Variants in TMTC3 observed in about 807,000 individuals in gnomAD.
TMTC3 encodes the protein transmembrane O-mannosyltransferase targeting cadherins 3.
Under a neutral mutation model 92.2 loss-of-function variants are expected in TMTC3, and 52 were observed. The ratio of observed to expected loss-of-function variants is 0.56; its 90% CI spans 0.45 to 0.71. TMTC3 has a LOEUF of 0.71. TMTC3 is among the 30% of genes least tolerant of loss of function. The pLI, the probability that TMTC3 is intolerant of heterozygous loss-of-function variation, is 0.00. For synonymous variants in TMTC3, 339 were observed against 363.3 expected, an observed-to-expected ratio of 0.93 and a Z score of 0.76; for missense variants, 896 against 1,057.1, an observed-to-expected ratio of 0.85 and a Z score of 2.11.
intron 8 of TMTC3, among the ~76,000 whole-genome samples, chr12:88,174,056 T>C (rs2041233206): frequency 6.6e-6 from 1 of 152,276 alleles, no homozygotes. Context: ...AGGTGAAGAA[T>C]TGAGCCCTCA....
chr12:88,182,305 C>T lies in TMTC3; in HGVS notation c.1432+5986C>T, dbSNP rs188786957. Among the ~76,000 whole-genome samples the T allele has an allele frequency of 9.8e-5, 15 of 152,288 alleles. No individual in the cohort carries two copies. The East Asian group carries it at 2.9e-3, about 29-fold the overall frequency. On this transcript the variant is annotated intron_variant, in intron 10 of 13. Transcript: ENST00000266712. ...TTGCAGGTCTGTGCAATCTAGTTACCTCTGAGAAACAGCTTGCTCTATTTT... is the reference window on the plus strand; with the variant it reads ...TTGCAGGTCTGTGCAATCTAGTTACTTCTGAGAAACAGCTTGCTCTATTTT...
At chr12:88,148,698 C>G (rs2040905254) in intron 2 of TMTC3, among the ~76,000 whole-genome samples, 194 bp downstream of exon 2, 1 of 150,812 alleles carries the variant, frequency 6.6e-6, no homozygotes, top group Non-Finnish European at 1.5e-5. Flanking sequence ...TAAAGCAGTA[C>G]TTGGTTATTT....
intron 10 of TMTC3, among the ~76,000 whole-genome samples, chr12:88,177,038 A>G (rs941365075): frequency 6.6e-6 from 1 of 152,074 alleles, no homozygotes; most frequent in Non-Finnish European, 1.5e-5. Flanking sequence ...TTTTTAAACC[A>G]GTTTGGGCCA....
In TMTC3 at chr12:88,152,371, C is replaced by G. The variant is rs186007225; in HGVS notation, c.190-920C>G. Among the ~76,000 whole-genome samples, 397 of 152,132 alleles carry G rather than the reference C, an allele frequency of 2.6e-3. 3 individuals are homozygous for G. The highest frequency in any genetic ancestry group is 3.9e-3 in the Admixed American group (59 of 15,282). ...TGAACTCATTACAGTGGGGAAGACA[C>G]CAAACCATTCATAAAGGACCCAACC... On this transcript the variant is annotated intron_variant, in intron 2 of 13. Transcript: ENST00000266712.
At chr12:88,147,955 A>G (rs1002188821) in intron 1 of TMTC3, among the ~76,000 whole-genome samples, 3 of 152,114 alleles carry the variant, frequency 2.0e-5, no homozygotes, top group African/African-American at 4.8e-5. Flanking sequence ...TTTATTTTCA[A>G]TATGCTGCCT....
intron 10 of TMTC3, among the ~76,000 whole-genome samples, chr12:88,177,206 AT>A: frequency 6.6e-6 from 1 of 151,814 alleles, no homozygotes; most frequent in Non-Finnish European, 1.5e-5. Context: ...GGCGCCTGTA[AT>A]TCCAGCTACT....
rs893766298 is a variant in TMTC3, at chr12:88,199,502, G to A, written c.*3853G>A. The A allele has an allele frequency of 5.3e-5, 8 of 152,092 alleles. No individual in the cohort carries two copies. Among genetic ancestry groups the A allele is most frequent in the African/African-American group, 1.9e-4 (8 of 41,428 alleles). 9.4% of individuals were successfully genotyped at this position (152,092 alleles called of 1,614,324 possible). ...GGATTTGATGCATATGACTTAATTTGTATTTGTGCTAGTAGCTGTAATGTC... is the reference window on the plus strand; with the variant it reads ...GGATTTGATGCATATGACTTAATTTATATTTGTGCTAGTAGCTGTAATGTC... On this transcript the variant is annotated 3_prime_UTR_variant, in exon 14 of 14. Transcript: ENST00000266712.
chr12:88,176,373 T>C (rs1592741208), intron 10 of TMTC3, 54 bp downstream of exon 10: 1 of 1,339,688 alleles, frequency 7.5e-7, no homozygotes, highest in Non-Finnish European at 1.0e-6. Flanking sequence ...AAAGTTTTGA[T>C]TATCCTTGGG....
At chr12:88,149,985 G>A (rs963286548) in intron 2 of TMTC3, among the ~76,000 whole-genome samples, 1 of 152,102 alleles carries the variant, frequency 6.6e-6, no homozygotes, top group South Asian at 2.1e-4. Flanking sequence ...TAATCATAAT[G>A]TTGAGGTTTT....
chr12:88,154,173 A>C lies in TMTC3; in HGVS notation c.409-115A>C, dbSNP rs375607591. ...CCTGAGGGCACCCAAAGAATGTTTA[A>C]GAAACAAATGTGCACTTGAAAAGTT... On this transcript the variant is annotated intron_variant, in intron 3 of 13. Coordinates refer to ENST00000266712, the MANE Select transcript of TMTC3 (RefSeq NM_181783.4). 185 of 726,948 alleles carry C rather than the reference A, an allele frequency of 2.5e-4. 1 individual carries two copies. In the East Asian group the frequency reaches 3.5e-3, roughly 14 times the overall value. The allele number at this position is 726,948 out of a possible 1,614,324, so 45.0% of individuals were successfully genotyped here.
At chr12:88,145,854 A>T (rs1017432753) in intron 1 of TMTC3, among the ~76,000 whole-genome samples, 8 of 152,114 alleles carry the variant, frequency 5.3e-5, no homozygotes, top group Non-Finnish European at 2.9e-5. Flanking sequence ...CTTTCACCCT[A>T]ATTTTTTCTT....
intron 4 of TMTC3, 62 bp from the exon 5 acceptor site, chr12:88,160,052 T>C: frequency 1.8e-6 from 2 of 1,127,772 alleles, no homozygotes; most frequent in South Asian, 1.5e-5. Context: ...GTTTAAAATA[T>C]CTTTTTTTGA....
chr12:88,183,459 G>A (rs1405979390), intron 10 of TMTC3, among the ~76,000 whole-genome samples: 1 of 152,180 alleles, frequency 6.6e-6, no homozygotes. Context: ...TAGCTATAGT[G>A]TATCCCTTGT....
intron 6 of TMTC3, among the ~76,000 whole-genome samples, chr12:88,161,203 C>T (rs1433592276): frequency 1.3e-5 from 2 of 152,020 alleles, no homozygotes; most frequent in Non-Finnish European, 1.5e-5. Context: ...TTCGCTATTT[C>T]TCCTTGCACT....
chr12:88,160,698 G>C lies in TMTC3; in HGVS notation c.644G>C (p.Cys215Ser), dbSNP rs752624259. The change falls in exon 6 of 14, where the codon TGT becomes TCT. Residue 215 changes from cysteine to serine, a missense_variant. Physicochemically the swap from Cys to Ser is moderately radical, Grantham distance 112 (BLOSUM62 -1). Transcript: ENST00000266712. ...TTTCAGTATACTTTGCCATTACTAT[G>C]TACTACTGCTGGACAGTTTCTCCGT... ...IAQGYTLPLL[C>S]TTAGQFLRGK... The C allele has an allele frequency of 2.5e-6, 4 of 1,613,138 alleles. No individual in the cohort carries two copies. The South Asian group carries it at 4.4e-5, about 18-fold the overall frequency.
Position 88,159,534 on chromosome 12 carries a change from A to G in TMTC3, c.509-580A>G, listed in dbSNP as rs545108977. Among the ~76,000 whole-genome samples the G allele has an allele frequency of 6.8e-4, 104 of 152,092 alleles. 2 individuals carry two copies. In the South Asian group the frequency reaches 0.02, roughly 29 times the overall value. On this transcript the variant is annotated intron_variant, in intron 4 of 13. Coordinates refer to ENST00000266712, the MANE Select transcript of TMTC3 (RefSeq NM_181783.4). ...AAAAAATAGCCAGATGTGGTGGCAC[A>G]TGCCTGTAGTCCTATTTGGGAGGCT...
intron 11 of TMTC3, among the ~76,000 whole-genome samples, chr12:88,190,114 A>G (rs777727745): frequency 1.3e-5 from 2 of 152,178 alleles, no homozygotes; most frequent in Non-Finnish European, 2.9e-5. Context: ...GAAAACACAC[A>G]CAAAAATGTG....
In TMTC3 at chr12:88,195,400, G is replaced by T; in HGVS notation, c.2496G>T (p.Lys832Asn). Reference protein sequence around the residue: ...SFIEPIFPTSKISSVEGKKIP... With the variant: ...SFIEPIFPTSNISSVEGKKIP... ...TAGAGCCAATATTCCCAACCAGTAA[G>T]ATTTCAAGTGTGGAAGGAAAGAAAA... Residue 832 changes from lysine (K) to asparagine (N), a missense_variant, in exon 14 of 14, where the codon AAG becomes AAT. Coordinates refer to ENST00000266712, the MANE Select transcript of TMTC3 (RefSeq NM_181783.4). 1.2e-6 allele frequency: 2 copies of T among 1,613,766 alleles called. No individual in the cohort carries two copies. Among genetic ancestry groups the T allele is most frequent in the Non-Finnish European group, 1.7e-6 (2 of 1,179,870 alleles).
Position 88,198,667 on chromosome 12 carries a change from G to C in TMTC3, c.*3018G>C, listed in dbSNP as rs977175604. The C allele has an allele frequency of 5.6e-6, 2 of 355,038 alleles. No homozygotes were observed. Among genetic ancestry groups the C allele is most frequent in the Non-Finnish European group, 1.0e-5 (2 of 199,232 alleles). The allele number at this position is 355,038 out of a possible 1,614,324, so 22.0% of individuals were successfully genotyped here. On this transcript the variant is annotated 3_prime_UTR_variant, in exon 14 of 14. Transcript: ENST00000266712. ...TTACACAGTTCTAATAAAACCTCATGCCTTTTCATTACATCTAATTTGAAC... is the reference window on the plus strand; with the variant it reads ...TTACACAGTTCTAATAAAACCTCATCCCTTTTCATTACATCTAATTTGAAC...
Sources: gnomAD v4.1 joint callset for allele counts (sites outside exome capture counted in the v4.1 genomes callset) on GRCh38, gnomAD v4.1.1 for gene constraint, MANE v1.5 for transcripts, NCBI Gene and HGNC (gene_info 2026-07-23, HGNC 2026-07-21) for gene names.